The following SLC15A3 variants were observed in gnomAD, a reference collection of about 807,000 sequenced individuals.
SLC15A3 encodes solute carrier family 15 member 3, also known as osteoclast transporter.
A neutral mutation model predicts 49.2 loss-of-function variants in SLC15A3; 39 were observed. That is an observed-to-expected ratio of 0.79 (90% CI 0.61 to 1.04). The LOEUF (loss-of-function observed/expected upper bound fraction) is 1.04, where lower values mean the gene tolerates loss of function less well. SLC15A3 is among the 50% of genes least tolerant of loss of function. The pLI is 0.00. For missense variants in SLC15A3, 758 were observed against 794.8 expected, an observed-to-expected ratio of 0.95 and a Z score of 0.56; for synonymous variants, 339 against 367.0, an observed-to-expected ratio of 0.92 and a Z score of 0.87.
Position 60,949,557 on chromosome 11 carries a change from A to AAAG in SLC15A3, c.558+1434_558+1436dup, listed in dbSNP as rs1565129985. ...GAAAGAAAGAAAGAAAGAAAGAAAG[A>AAAG]AAGAAAGAAAGAAAAGAGATGGCCA... On this transcript the variant is annotated intron_variant, in intron 1 of 7. Transcript: ENST00000227880. Among the ~76,000 whole-genome samples the AAAG allele has an allele frequency of 2.4e-5, 2 of 83,034 alleles. 1 individual carries two copies. Among genetic ancestry groups the AAAG allele is most frequent in the Non-Finnish European group, 6.4e-5 (2 of 31,096 alleles). 54.5% of individuals were successfully genotyped at this position (83,034 alleles called of 152,430 possible).
At position 60,951,190 on chromosome 11, in the gene SLC15A3, G is replaced by A. The variant is rs1856913572; in HGVS notation, c.362C>T (p.Thr121Ile). 7.3e-6 allele frequency: 11 copies of A among 1,498,024 alleles called. No individual in the cohort carries two copies. Among genetic ancestry groups the A allele is most frequent in the Non-Finnish European group, 9.7e-6 (11 of 1,131,246 alleles). 92.8% of individuals were successfully genotyped at this position (1,498,024 alleles called of 1,614,324 possible). A position where few individuals can be genotyped will look rare whatever the true frequency, so the allele number is the denominator to read the frequency against. The stretch of plus-strand genomic sequence containing the variant: ...GGAGCTGCGGCCGTCGGGGAAGGCG[G>A]TGGCGGGCAGCAGGCCCGAGGCGGC... ...YLAASGLLPA[T>I]AFPDGRSSFC... Residue 121 changes from threonine (T) to isoleucine (I), a missense_variant, in exon 1 of 8, where the codon ACC becomes ATC. Thr to Ile is a moderately conservative substitution (Grantham distance 89). This residue lies in a region of SLC15A3 where 699 missense variants were observed against 706.7 expected (regional missense o/e 0.99). Coordinates refer to ENST00000227880, the MANE Select transcript of SLC15A3 (RefSeq NM_016582.3).
In SLC15A3 at chr11:60,946,807, G is replaced by A. The variant is rs762816229; in HGVS notation, c.573C>T (p.Gly191=). 6.2e-7 allele frequency: 1 copy of A among 1,609,900 alleles called. No homozygotes were observed. Among genetic ancestry groups the A allele is most frequent in the Non-Finnish European group, 8.5e-7 (1 of 1,178,912 alleles). Residue 191 remains glycine, a synonymous_variant, in exon 2 of 8, where the codon GGC becomes GGT. Transcript: ENST00000227880. Reference sequence around the variant, plus strand: ...TGAAGAAGCGGCGGGTGGCGTCGCGGCCGAGATCCATCACCTGCCATTCAG... The same window carrying A: ...TGAAGAAGCGGCGGGTGGCGTCGCGACCGAGATCCATCACCTGCCATTCAG... ...SFGADQVMDL[G]RDATRRFFNW...
At chr11:60,949,413 AGAAAGAAAGAAG>A (rs199958522) in intron 1 of SLC15A3, among the ~76,000 whole-genome samples, 2 of 89,496 alleles carry the variant, frequency 2.2e-5, no homozygotes, top group Non-Finnish European at 2.8e-5. Flanking sequence ...AAAGGAAGAA[AGAAAGAAAGAAG>A]GAAAGAAAGA....
In SLC15A3 at chr11:60,943,777, G is replaced by A. The variant is rs77943698; in HGVS notation, c.908C>T (p.Pro303Leu). The A allele has an allele frequency of 2.1e-5, 34 of 1,603,914 alleles. No individual in the cohort carries two copies. Among genetic ancestry groups the A allele is most frequent in the Admixed American group, 5.1e-5 (3 of 58,796 alleles). Reference protein sequence around the residue: ...DERSPQPGASPQEDIANFQVL... With the variant: ...DERSPQPGASLQEDIANFQVL... ...CTGGAAGTTGGCGATGTCCTCTTGC[G>A]GGGAAGCCCCTGGCTGGGGAGACCT... is the stretch of plus-strand genomic sequence containing the variant. Residue 303 changes from proline (P) to leucine (L), a missense_variant, in exon 3 of 8, where the codon CCG becomes CTG. Pro to Leu is a moderately conservative substitution (Grantham distance 98, BLOSUM62 -3). Around this residue, in one of 3 missense-constraint regions of SLC15A3, gnomAD observed 699 missense variants for 706.7 expected, o/e 0.99. Coordinates refer to ENST00000227880, the MANE Select transcript of SLC15A3 (RefSeq NM_016582.3).
chr11:60,940,901 T>G, intron 5 of SLC15A3: 1 of 430,774 alleles, frequency 2.3e-6, no homozygotes, highest in Non-Finnish European at 4.1e-6. Flanking sequence ...GGGGAAAATA[T>G]TTGTTCCTCT....
In SLC15A3 at chr11:60,951,247, C is replaced by G; in HGVS notation, c.305G>C (p.Arg102Pro). The G allele has an allele frequency of 6.6e-7, 1 of 1,513,520 alleles. No individual in the cohort carries two copies. Among genetic ancestry groups the G allele is most frequent in the Non-Finnish European group, 8.8e-7 (1 of 1,134,446 alleles). 93.8% of individuals were successfully genotyped at this position (1,513,520 alleles called of 1,614,324 possible). Residue 102 changes from arginine to proline, a missense_variant, in exon 1 of 8, where the codon CGC becomes CCC. By Grantham distance (103) the Arg-to-Pro change is moderately radical. Coordinates refer to ENST00000227880, the MANE Select transcript of SLC15A3 (RefSeq NM_016582.3). ...WLADVYLGRY[R>P]AVALSLLLYL... Reference sequence around the variant, plus strand: ...GAGCAGCAGGCTGAGCGCGACCGCGCGGTAGCGGCCCAGGTACACGTCGGC... The same window carrying G: ...GAGCAGCAGGCTGAGCGCGACCGCGGGGTAGCGGCCCAGGTACACGTCGGC...
At chr11:60,937,509 T>A in intron 7 of SLC15A3, 136 bp from the exon 8 acceptor site, 1 of 1,127,832 alleles carries the variant, frequency 8.9e-7, no homozygotes, top group Non-Finnish European at 1.3e-6. Context: ...ACTGGACAGA[T>A]ACCCACTAAT....
rs979819596 is a variant in SLC15A3 at position 60,951,583 on chromosome 11, T to TCTCTC, written c.-37_-33dup. ...TCCGGGCTGGGCCCCCCGCGGCTCT[T>TCTCTC]CTCTCCTCTCCTCTCCCCGCCTCAG... On this transcript the variant is annotated 5_prime_UTR_variant, in exon 1 of 8. Transcript: ENST00000227880. The TCTCTC allele has an allele frequency of 1.9e-6, 2 of 1,065,148 alleles. No homozygotes were observed. Among genetic ancestry groups the TCTCTC allele is most frequent in the African/African-American group, 1.7e-5 (1 of 58,382 alleles). The allele number at this position is 1,065,148 out of a possible 1,614,324, so 66.0% of individuals were successfully genotyped here. A position where few individuals can be genotyped will look rare whatever the true frequency, so the allele number is the denominator to read the frequency against.
At chr11:60,937,662 G>A (rs1057341531) in intron 7 of SLC15A3, 4 of 701,558 alleles carry the variant, frequency 5.7e-6, no homozygotes, top group Non-Finnish European at 9.4e-6. Flanking sequence ...AGCCTTGGAG[G>A]TCCACTAAGT....
Position 60,951,477 on chromosome 11 carries a change from C to T in SLC15A3, c.75G>A (p.Arg25=), listed in dbSNP as rs1200434302. 2 of 1,325,344 alleles carry T rather than the reference C, an allele frequency of 1.5e-6. No individual in the cohort carries two copies. Among genetic ancestry groups the T allele is most frequent in the Non-Finnish European group, 1.9e-6 (2 of 1,034,604 alleles). The allele number at this position is 1,325,344 out of a possible 1,614,324, so 82.1% of individuals were successfully genotyped here. Residue 25 remains arginine (R), a synonymous_variant, in exon 1 of 8, where the codon CGG becomes CGA. Coordinates refer to ENST00000227880, the MANE Select transcript of SLC15A3 (RefSeq NM_016582.3). The stretch of plus-strand genomic sequence containing the variant: ...CCGCCCGCCGCCACCGTCGAGGGCC[C>T]CGCGCACCGCGAGGCAGCAGCGGCT... ...ERQPLLPRGA[R]GPRRWRRAAG... is the part of the protein sequence containing the mutation.
rs116288977 is a variant in SLC15A3, at chr11:60,952,090, C to A, written c.-539G>T. On this transcript the variant is annotated 5_prime_UTR_variant, in exon 1 of 8. Coordinates refer to ENST00000227880, the MANE Select transcript of SLC15A3 (RefSeq NM_016582.3). ...CCACCTCCTCCCTGTCCCCCTCACC[C>A]CCACTGCCTACACTCCCCTCTCAGT... Among the ~76,000 whole-genome samples the A allele has an allele frequency of 0.011, 1,600 of 152,014 alleles. 28 individuals are homozygous for A. Among genetic ancestry groups the A allele is most frequent in the African/African-American group, 0.037 (1,520 of 41,398 alleles).
In SLC15A3 at chr11:60,941,552, G is replaced by T. The variant is rs117196580; in HGVS notation, c.1108-262C>A. The stretch of plus-strand genomic sequence containing the variant: ...ATGGGCTCAGCATAAAAAAAGTCAT[G>T]ATTGACTAGTGATGTCTGCCATGGG... On this transcript the variant is annotated intron_variant, in intron 4 of 7. Coordinates refer to ENST00000227880, the MANE Select transcript of SLC15A3 (RefSeq NM_016582.3). The T allele has an allele frequency of 1.6e-4, 68 of 437,654 alleles. No homozygotes were observed. In the East Asian group the frequency reaches 2.6e-3, roughly 17 times the overall value. 27.1% of individuals were successfully genotyped at this position (437,654 alleles called of 1,614,324 possible). A position where few individuals can be genotyped will look rare whatever the true frequency, so the allele number is the denominator to read the frequency against.
Position 60,937,132 on chromosome 11 carries a change from A to G in SLC15A3, c.*87T>C. 1 of 1,521,550 alleles carries G rather than the reference A, an allele frequency of 6.6e-7. No individual in the cohort carries two copies. 94.3% of individuals were successfully genotyped at this position (1,521,550 alleles called of 1,614,324 possible). A position where few individuals can be genotyped will look rare whatever the true frequency, so the allele number is the denominator to read the frequency against. On this transcript the variant is annotated 3_prime_UTR_variant, in exon 8 of 8. Coordinates refer to ENST00000227880, the MANE Select transcript of SLC15A3 (RefSeq NM_016582.3). ...TTATTTATGGGAACCATTTCATTCT[A>G]ACAGAATAAACCGAGAAGGAAACCA...
intron 1 of SLC15A3, among the ~76,000 whole-genome samples, chr11:60,949,467 AG>A (rs1856860068): frequency 6.9e-6 from 1 of 145,250 alleles, no homozygotes. Flanking sequence ...AAAGAGAGAG[AG>A]AGAAAGAGAA....
Position 60,937,949 on chromosome 11 carries a change from C to T in SLC15A3, c.1512G>A (p.Gly504=). The T allele has an allele frequency of 6.2e-7, 1 of 1,614,198 alleles. No individual in the cohort carries two copies. The highest frequency in any genetic ancestry group is 1.1e-5 in the South Asian group (1 of 91,084). The change falls in exon 7 of 8, where the codon GGG becomes GGA. Residue 504 remains glycine (G), a synonymous_variant. Transcript: ENST00000227880. ...GGCTGGAGCCCAACAGTGAGCCCAC[C>T]CCCGACAGGCAGAAGAAGATGCCCA... is the stretch of plus-strand genomic sequence containing the variant. ...AIMGIFFCLS[G]VGSLLGSSLV...
chr11:60,950,061 C>T (rs1179628940), intron 1 of SLC15A3, among the ~76,000 whole-genome samples: 1 of 152,198 alleles, frequency 6.6e-6, no homozygotes, highest in African/African-American at 2.4e-5. Context: ...CTTCTACGTG[C>T]CATGCTCTGT....
chr11:60,950,154 C>T (rs2134943942), intron 1 of SLC15A3, among the ~76,000 whole-genome samples: 1 of 152,342 alleles, frequency 6.6e-6, no homozygotes, highest in Non-Finnish European at 1.5e-5. Flanking sequence ...TGAGTTCTTG[C>T]CCATGTGGCT....
chr11:60,941,255 C>A lies in SLC15A3; in HGVS notation c.1143G>T (p.Val381=). The stretch of plus-strand genomic sequence containing the variant: ...TCAGAGGGACCAGAATCAGCACCAC[C>A]ACAACATTGGCCAGGAGGAGCCAGG... ...PEAWLLLANV[V]VVLILVPLKD... Residue 381 remains valine, a synonymous_variant, in exon 5 of 8, where the codon GTG becomes GTT. Transcript: ENST00000227880. 2.5e-6 allele frequency: 4 copies of A among 1,614,058 alleles called. No homozygotes were observed. Among genetic ancestry groups the A allele is most frequent in the African/African-American group, 1.3e-5 (1 of 75,040 alleles).
intron 1 of SLC15A3, chr11:60,947,846 C>T (rs868374557): frequency 2.0e-5 from 3 of 152,226 alleles, no homozygotes; most frequent in Admixed American, 6.5e-5. Context: ...GTCAGCTGCA[C>T]TAGCTGCTTC....
Sources: allele counts gnomAD v4.1 joint callset (sites outside exome capture counted in the v4.1 genomes callset), GRCh38; gene constraint gnomAD v4.1.1; regional missense constraint gnomAD v4.1.1; transcripts MANE v1.5; gene names NCBI Gene and HGNC (gene_info 2026-07-23, HGNC 2026-07-21).